OTC: variants seen among roughly 807,000 people sequenced by gnomAD.
OTC encodes the protein ornithine transcarbamylase, mitochondrial.
A neutral mutation model predicts 30.3 loss-of-function variants in OTC; 3 were observed. The ratio of observed to expected loss-of-function variants is 0.10; its 90% CI spans 0.05 to 0.26. The LOEUF (loss-of-function observed/expected upper bound fraction) is 0.26, where lower values mean the gene tolerates loss of function less well. Ranked by LOEUF, OTC falls within the 10% of genes least tolerant of loss-of-function variation. The pLI, the probability that OTC is intolerant of heterozygous loss-of-function variation, is 1.00. For synonymous variants in OTC, 111 were observed against 99.7 expected (o/e 1.11, Z -0.67); for missense variants, 194 against 260.3 (o/e 0.75, Z 1.75).
Position 38,421,142 on chromosome X carries a change from T to C in OTC, c.*60T>C, listed in dbSNP as rs906074773. On this transcript the variant is annotated 3_prime_UTR_variant, in exon 10 of 10. Coordinates refer to ENST00000039007, the MANE Select transcript of OTC (RefSeq NM_000531.6). ...TTCAGTAACAGAATGAGTTGGTTTA[T>C]GGGGAAAAGAGAAGAGAATCTAAAA... is the stretch of plus-strand genomic sequence containing the variant. 4.9e-6 allele frequency: 4 copies of C among 814,822 alleles called. No individual in the cohort carries two copies. The South Asian group carries it at 8.2e-5, about 17-fold the overall frequency. 67.2% of individuals were successfully genotyped at this position (814,822 alleles called of 1,213,427 possible).
In OTC at chrX:38,367,396, A is replaced by G; in HGVS notation, c.183A>G (p.Ala61=). The G allele has an allele frequency of 8.3e-7, 1 of 1,206,264 alleles. No homozygotes were observed. Among genetic ancestry groups the G allele is most frequent in the Non-Finnish European group, 1.1e-6 (1 of 890,435 alleles). ...EEIKYMLWLS[A]DLKFRIKQKG... is the part of the protein sequence containing the mutation. ...TTAAATATATGCTATGGCTATCAGCAGATCTGAAATTTAGGATAAAACAGA... is the reference window on the plus strand; with the variant it reads ...TTAAATATATGCTATGGCTATCAGCGGATCTGAAATTTAGGATAAAACAGA... The change falls in exon 2 of 10, where the codon GCA becomes GCG. Residue 61 remains alanine, a synonymous_variant. Transcript: ENST00000039007.
At chrX:38,381,626 G>A (rs969715440) in intron 4 of OTC, among the ~76,000 whole-genome samples, 197 bp downstream of exon 4, 3 of 111,149 alleles carry the variant, frequency 2.7e-5, no homozygotes, top group African/African-American at 9.8e-5. Flanking sequence ...ATTTTTCTTG[G>A]CAATTTTTTG....
At chrX:38,354,466 A>G (rs1286134622) in intron 1 of OTC, among the ~76,000 whole-genome samples, 2 of 112,161 alleles carry the variant, frequency 1.8e-5, no homozygotes, top group Non-Finnish European at 3.8e-5. Flanking sequence ...GAAAACTACA[A>G]TGATAATTGA....
At chrX:38,346,162 T>C in the OTC span, among the ~76,000 whole-genome samples, 1 of 112,015 alleles carries the variant, frequency 8.9e-6, no homozygotes, top group South Asian at 3.7e-4. Context: ...ACAGATATTT[T>C]ACCAAGAAAG....
At chrX:38,340,469 T>G in the OTC span, among the ~76,000 whole-genome samples, 3 of 92,657 alleles carry the variant, frequency 3.2e-5, no homozygotes, top group East Asian at 3.8e-4. Flanking sequence ...GTTTTTTTTT[T>G]TTTGTTTTTT....
intron 3 of OTC, among the ~76,000 whole-genome samples, chrX:38,379,270 C>G (rs1476377542): frequency 1.8e-5 from 2 of 111,815 alleles, no homozygotes; most frequent in East Asian, 5.6e-4. Flanking sequence ...ACACTTTGAG[C>G]TGACTCAATA....
At chrX:38,374,689 TATC>T (rs1391793101) in intron 3 of OTC, among the ~76,000 whole-genome samples, 2 of 111,323 alleles carry the variant, frequency 1.8e-5, no homozygotes, top group Non-Finnish European at 3.8e-5. Context: ...CAAAATGACT[TATC>T]ATCAAAGAAA....
At chrX:38,393,513 G>T (rs2068439231) in intron 4 of OTC, among the ~76,000 whole-genome samples, 1 of 111,735 alleles carries the variant, frequency 8.9e-6, no homozygotes, top group South Asian at 3.7e-4. Flanking sequence ...TACTTTCTCA[G>T]GGTTTATGTA....
At chrX:38,348,686 G>A (rs934924439), upstream of OTC, among the ~76,000 whole-genome samples, 3 of 109,168 alleles carry the variant, frequency 2.7e-5, no homozygotes, top group Non-Finnish European at 5.7e-5. Flanking sequence ...ACAGGCACCC[G>A]CCACCACACC....
At chrX:38,412,976 C>G (rs2068551176) in intron 9 of OTC, among the ~76,000 whole-genome samples, 1 of 111,797 alleles carries the variant, frequency 8.9e-6, no homozygotes, top group African/African-American at 3.3e-5. Context: ...ATTATAGCCA[C>G]CACAGCTGAA....
At chrX:38,369,270 T>G (rs1421597089) in intron 2 of OTC, among the ~76,000 whole-genome samples, 1 of 112,012 alleles carries the variant, frequency 8.9e-6, no homozygotes, top group East Asian at 2.8e-4. Flanking sequence ...TAATACTGCT[T>G]TCTAATTACA....
At chrX:38,392,850 T>C (rs568196201) in intron 4 of OTC, among the ~76,000 whole-genome samples, 4 of 112,549 alleles carry the variant, frequency 3.6e-5, no homozygotes, top group African/African-American at 1.3e-4. Flanking sequence ...AAGGGGCTTT[T>C]TGTGCCTACA....
At chrX:38,368,765 G>A (rs984157477) in intron 2 of OTC, among the ~76,000 whole-genome samples, 1 of 99,234 alleles carries the variant, frequency 1.0e-5, no homozygotes, top group Non-Finnish European at 2.0e-5. Context: ...GGACAGGAGT[G>A]ACCGCAACTG....
At chrX:38,413,671 T>TTG (rs2068554789) in intron 9 of OTC, among the ~76,000 whole-genome samples, 1 of 104,710 alleles carries the variant, frequency 9.6e-6, no homozygotes, top group Non-Finnish European at 2.0e-5. Flanking sequence ...ATCTATTTTT[T>TTG]TTTTTTGTTT....
chrX:38,361,075 G>A (rs1039796234), intron 1 of OTC, among the ~76,000 whole-genome samples: 1 of 111,961 alleles, frequency 8.9e-6, no homozygotes, highest in Non-Finnish European at 1.9e-5. Flanking sequence ...AGGCTGAGGC[G>A]GGTGGATCAC....
At chrX:38,397,519 G>A (rs1569278667) in intron 4 of OTC, among the ~76,000 whole-genome samples, 1 of 112,233 alleles carries the variant, frequency 8.9e-6, no homozygotes, top group Admixed American at 9.5e-5. Flanking sequence ...ATGTTTACAA[G>A]TGTCAAGTGG....
At chrX:38,333,252 T>C in the OTC span, among the ~76,000 whole-genome samples, 1 of 110,201 alleles carries the variant, frequency 9.1e-6, no homozygotes, top group East Asian at 2.8e-4. Flanking sequence ...ACGGAAATGT[T>C]TCAGGCCACA....
At chrX:38,348,400 A>G (rs2068199190), upstream of OTC, among the ~76,000 whole-genome samples, 3 of 111,110 alleles carry the variant, frequency 2.7e-5, no homozygotes, top group South Asian at 3.8e-4. Context: ...TCTCAACTCT[A>G]TAATCTGGCT....
rs184735187 is a variant in OTC at position 38,395,623 on chromosome X, A to G, written c.387-5652A>G. 908 of 147,795 alleles carry G rather than the reference A, an allele frequency of 6.1e-3. 16 individuals carry two copies. The highest frequency in any genetic ancestry group is 1.2e-3 in the Non-Finnish European group (81 of 67,373). The allele number at this position is 147,795 out of a possible 1,213,427, so 12.2% of individuals were successfully genotyped here. ...ACACAACATGCTCACAGTTCCATCC[A>G]TAGGAGGAAGGGAAGACACAAAAGC... is the stretch of plus-strand genomic sequence containing the variant. On this transcript the variant is annotated intron_variant, in intron 4 of 9. Transcript: ENST00000039007.
Sources: allele counts gnomAD v4.1 joint callset (sites outside exome capture counted in the v4.1 genomes callset), GRCh38; gene constraint gnomAD v4.1.1; transcripts MANE v1.5; gene names NCBI Gene and HGNC (gene_info 2026-07-23, HGNC 2026-07-21).